Variants in GTF2A1L observed in about 807,000 individuals in gnomAD.
The protein encoded by GTF2A1L is TFIIA-alpha and beta-like factor.
GTF2A1L carries 48 observed loss-of-function variants against 49.7 expected under a neutral mutation model. The observed-to-expected ratio is 0.97, with a 90% CI of 0.77 to 1.23. GTF2A1L has a LOEUF of 1.23. Among genes scored for constraint, GTF2A1L ranks in the 50% most tolerant of loss-of-function variants. GTF2A1L has a pLI of 0.00. For synonymous variants in GTF2A1L, 246 were observed against 193.5 expected (o/e 1.27, Z -2.25); for missense variants, 736 against 564.8 (o/e 1.30, Z -3.07).
At position 48,620,833 on chromosome 2, in the gene GTF2A1L, A is replaced by G. The variant is rs779723176; in HGVS notation, c.22-18A>G. On this transcript the variant is annotated intron_variant, in intron 1 of 8. Transcript: ENST00000403751. ...AATAAATAAATAAAATGAAACTTTA[A>G]CAATTGCTTTTATGTAGCCTAAACT... is the stretch of plus-strand genomic sequence containing the variant. 5.2e-6 allele frequency: 7 copies of G among 1,333,364 alleles called. No homozygotes were observed. The highest frequency in any genetic ancestry group is 6.8e-6 in the Non-Finnish European group (7 of 1,027,482). 82.6% of individuals were successfully genotyped at this position (1,333,364 alleles called of 1,614,324 possible). A position where few individuals can be genotyped will look rare whatever the true frequency, so the allele number is the denominator to read the frequency against.
At position 48,625,835 on chromosome 2, in the gene GTF2A1L, G is replaced by A. The variant is rs573845929; in HGVS notation, c.247+4545G>A. Among the ~76,000 whole-genome samples the A allele has an allele frequency of 3.5e-5, 5 of 143,488 alleles. 1 individual carries two copies. The South Asian group carries it at 7.1e-4, about 20-fold the overall frequency. The allele number at this position is 143,488 out of a possible 152,430, so 94.1% of individuals were successfully genotyped here. On this transcript the variant is annotated intron_variant, in intron 3 of 8. Transcript: ENST00000403751. ...TGGAATGAAGCAATCCTCCTGCCTC[G>A]GCCTCCCAAAGTGCTGGGATTACAG...
intron 3 of GTF2A1L, among the ~76,000 whole-genome samples, chr2:48,641,425 C>T (rs571020427): frequency 5.3e-5 from 8 of 152,052 alleles, no homozygotes; most frequent in African/African-American, 9.7e-5. Context: ...TTTTATGTGA[C>T]GGAGCCATTC....
At chr2:48,652,951 C>T (rs111928212) in intron 6 of GTF2A1L, among the ~76,000 whole-genome samples, 13 of 151,856 alleles carry the variant, frequency 8.6e-5, no homozygotes, top group Middle Eastern at 3.4e-3. Flanking sequence ...AAATTTAGGC[C>T]GGGCACGGTG....
intron 8 of GTF2A1L, among the ~76,000 whole-genome samples, chr2:48,675,435 A>T (rs1025590908): frequency 6.6e-6 from 1 of 152,100 alleles, no homozygotes; most frequent in Non-Finnish European, 1.5e-5. Flanking sequence ...TTTAAAATTT[A>T]GAGATTAACA....
At chr2:48,673,159 A>G (rs746853152) in intron 8 of GTF2A1L, among the ~76,000 whole-genome samples, 1 of 152,156 alleles carries the variant, frequency 6.6e-6, no homozygotes, top group Non-Finnish European at 1.5e-5. Context: ...ATAATAGTCT[A>G]TTGAATGGAT....
At chr2:48,672,252 T>C (rs561209061) in intron 8 of GTF2A1L, among the ~76,000 whole-genome samples, 1 of 152,220 alleles carries the variant, frequency 6.6e-6, no homozygotes, top group Non-Finnish European at 1.5e-5. Flanking sequence ...ATGGATGTAG[T>C]ATGTACAAGG....
chr2:48,675,451 G>C (rs539414988), intron 8 of GTF2A1L, among the ~76,000 whole-genome samples: 2 of 152,110 alleles, frequency 1.3e-5, no homozygotes, highest in East Asian at 3.9e-4. Flanking sequence ...TAACAATTGG[G>C]GGGAAAACTT....
chr2:48,657,129 A>G (rs780469611), intron 6 of GTF2A1L, among the ~76,000 whole-genome samples: 2 of 152,114 alleles, frequency 1.3e-5, no homozygotes, highest in African/African-American at 2.4e-5. Context: ...AGATTCAGGG[A>G]GTACATGTGC....
At chr2:48,627,503 G>C (rs57620497) in intron 3 of GTF2A1L, among the ~76,000 whole-genome samples, 3,416 of 143,862 alleles carry the variant, frequency 0.024, 372 homozygotes, top group African/African-American at 0.078. Context: ...CTCATCCATT[G>C]TGGTTGATAT....
At chr2:48,641,819 G>A (rs187259316) in intron 3 of GTF2A1L, among the ~76,000 whole-genome samples, 112 of 152,242 alleles carry the variant, frequency 7.4e-4, no homozygotes, top group Non-Finnish European at 7.5e-4. Context: ...AATGTAGGTC[G>A]AGTTGTCATT....
At position 48,620,894 on chromosome 2, in the gene GTF2A1L, T is replaced by C; in HGVS notation, c.65T>C (p.Val22Ala). Reference protein sequence around the residue: ...RSVIEDVIEGVRNLFAEEGIE... With the variant: ...RSVIEDVIEGARNLFAEEGIE... Reference sequence around the variant, plus strand: ...GTAATTGAAGATGTAATTGAAGGAGTTCGGAATCTATTTGCTGAAGAAGGT... The same window carrying C: ...GTAATTGAAGATGTAATTGAAGGAGCTCGGAATCTATTTGCTGAAGAAGGT... The change falls in exon 2 of 9, where the codon GTT becomes GCT. Residue 22 changes from valine to alanine, a missense_variant. Val to Ala is a moderately conservative substitution (Grantham distance 64, BLOSUM62 0). Transcript: ENST00000403751. 6.2e-7 allele frequency: 1 copy of C among 1,603,896 alleles called. No individual in the cohort carries two copies. Among genetic ancestry groups the C allele is most frequent in the South Asian group, 1.1e-5 (1 of 89,234 alleles).
chr2:48,630,782 C>G lies in GTF2A1L; in HGVS notation c.247+9492C>G, dbSNP rs1172730455. Among the ~76,000 whole-genome samples the G allele has an allele frequency of 2.0e-5, 3 of 151,638 alleles. 1 individual carries two copies. Among genetic ancestry groups the G allele is most frequent in the Non-Finnish European group, 4.4e-5 (3 of 67,836 alleles). On this transcript the variant is annotated intron_variant, in intron 3 of 8. Transcript: ENST00000403751. Reference sequence around the variant, plus strand: ...CTCTTATTATTTTGAGGTATGTTCCCTCAATGCCTAGTTTCTTGAGGGTTT... The same window carrying G: ...CTCTTATTATTTTGAGGTATGTTCCGTCAATGCCTAGTTTCTTGAGGGTTT...
chr2:48,657,627 G>A (rs1023958553), intron 6 of GTF2A1L, among the ~76,000 whole-genome samples: 4 of 152,138 alleles, frequency 2.6e-5, no homozygotes, highest in African/African-American at 7.2e-5. Context: ...CCAGTAATGG[G>A]ATTGCTGGAT....
intron 8 of GTF2A1L, among the ~76,000 whole-genome samples, chr2:48,675,989 G>T (rs1047214042): frequency 3.3e-5 from 5 of 151,672 alleles, no homozygotes; most frequent in African/African-American, 7.3e-5. Context: ...GAAAAGTCTG[G>T]TTCACATTCC....
At position 48,671,635 on chromosome 2, in the gene GTF2A1L, A is replaced by C; in HGVS notation, c.1284A>C (p.Pro428=). The change falls in exon 8 of 9, where the codon CCA becomes CCC. Residue 428 remains proline (P), a synonymous_variant. Coordinates refer to ENST00000403751, the MANE Select transcript of GTF2A1L (RefSeq NM_006872.5). ...SGDDVSEQDV[P]DLFDTDNVIV... The stretch of plus-strand genomic sequence containing the variant: ...ATGATGTTAGTGAACAGGATGTGCC[A>C]GACCTGTTTGACACGGATAATGTTA... 1.9e-6 allele frequency: 3 copies of C among 1,613,762 alleles called. No homozygotes were observed. Among genetic ancestry groups the C allele is most frequent in the Non-Finnish European group, 1.7e-6 (2 of 1,179,726 alleles).
rs770714079 is a variant in GTF2A1L, at chr2:48,620,930, A to C, written c.101A>C (p.Gln34Pro). 1.9e-6 allele frequency: 3 copies of C among 1,599,710 alleles called. No individual in the cohort carries two copies. The highest frequency in any genetic ancestry group is 2.3e-5 in the South Asian group (2 of 87,516). ...NLFAEEGIEE[Q>P]VLKDLKQLWE... ...TTTGCTGAAGAAGGTATAGAGGAAC[A>C]AGTTTTAAAAGACTTGAAGCAGGTT... Residue 34 changes from glutamine to proline, a missense_variant, in exon 2 of 9, where the codon CAA becomes CCA. Transcript: ENST00000403751.
intron 6 of GTF2A1L, among the ~76,000 whole-genome samples, chr2:48,668,910 GTTTA>G (rs1466099618): frequency 6.6e-6 from 1 of 151,988 alleles, no homozygotes; most frequent in Admixed American, 6.6e-5. Context: ...TAGCAGAGGG[GTTTA>G]TTTGTTAGCT....
chr2:48,623,663 C>G (rs572936692), intron 3 of GTF2A1L, among the ~76,000 whole-genome samples: 1 of 152,172 alleles, frequency 6.6e-6, no homozygotes, highest in Non-Finnish European at 1.5e-5. Flanking sequence ...GGAATCAACT[C>G]AACCCATACA....
intron 6 of GTF2A1L, among the ~76,000 whole-genome samples, chr2:48,653,593 C>A (rs1677990145): frequency 6.6e-6 from 1 of 152,192 alleles, no homozygotes; most frequent in African/African-American, 2.4e-5. Flanking sequence ...GGTTATACCA[C>A]ATTTATTTAC....
Sources: allele counts gnomAD v4.1 joint callset (sites outside exome capture counted in the v4.1 genomes callset), GRCh38; gene constraint gnomAD v4.1.1; transcripts MANE v1.5; gene names NCBI Gene and HGNC (gene_info 2026-07-23, HGNC 2026-07-21).